KYAT1: variants seen among roughly 807,000 people sequenced by gnomAD.
KYAT1 encodes kynurenine aminotransferase 1, also known as kynurenine--oxoglutarate transaminase 1.
KYAT1 carries 47 observed loss-of-function variants against 52.4 expected under a neutral mutation model. The ratio of observed to expected loss-of-function variants is 0.90; its 90% CI spans 0.71 to 1.14. The LOEUF (loss-of-function observed/expected upper bound fraction) is 1.14. KYAT1 is among the 50% of genes most tolerant of loss of function. KYAT1 has a pLI of 0.00. For missense variants in KYAT1, 480 were observed against 557.9 expected, an observed-to-expected ratio of 0.86 and a Z score of 1.41; for synonymous variants, 212 against 209.6, an observed-to-expected ratio of 1.01 and a Z score of -0.10.
At chr9:128,840,103 A>G (rs1831872532) in intron 3 of KYAT1, among the ~76,000 whole-genome samples, 1 of 152,150 alleles carries the variant, frequency 6.6e-6, no homozygotes, top group Non-Finnish European at 1.5e-5. Flanking sequence ...CAAGGTCAAA[A>G]CAGGAAGAGA....
At chr9:128,833,944 C>G (rs544042975) in intron 11 of KYAT1, 118 bp from the exon 12 acceptor site, 21 of 717,592 alleles carry the variant, frequency 2.9e-5, no homozygotes, top group Admixed American at 2.8e-4. Flanking sequence ...TCCAATCCAG[C>G]ACCTAGAGCT....
chr9:128,878,140 C>CT lies in KYAT1; in HGVS notation c.-7+3756dup, dbSNP rs761966009. Among the ~76,000 whole-genome samples the CT allele has an allele frequency of 4.4e-3, 642 of 145,758 alleles. 4 individuals are homozygous for CT. Among genetic ancestry groups the CT allele is most frequent in the Admixed American group, 8.8e-3 (127 of 14,494 alleles). On this transcript the variant is annotated intron_variant, in intron 1 of 12. Transcript: ENST00000302586. ...CTTGTCAATGACAACAAGCTATTAA[C>CT]TTTTTTTTTTTTTTGAGACAGTCTT...
intron 3 of KYAT1, among the ~76,000 whole-genome samples, 159 bp from the exon 4 acceptor site, chr9:128,838,526 A>G (rs1222373257): frequency 6.6e-6 from 1 of 152,204 alleles, no homozygotes; most frequent in African/African-American, 2.4e-5. Context: ...ATCAGCTTTC[A>G]ACACTCTGGA....
At chr9:128,850,241 G>A (rs1588094383) in intron 1 of KYAT1, among the ~76,000 whole-genome samples, 1 of 151,914 alleles carries the variant, frequency 6.6e-6, no homozygotes, top group African/African-American at 2.4e-5. Context: ...TTCAGTGTAG[G>A]GAAAAGAAAG....
At chr9:128,838,445 G>T in intron 3 of KYAT1, 78 bp from the exon 4 acceptor site, 1 of 1,557,952 alleles carries the variant, frequency 6.4e-7, no homozygotes, top group African/African-American at 1.4e-5. Context: ...GGCAATTCTA[G>T]CACCTTCCAG....
intron 1 of KYAT1, 170 bp from the exon 2 acceptor site, chr9:128,845,581 C>T: frequency 4.7e-6 from 3 of 634,238 alleles, no homozygotes; most frequent in Non-Finnish European, 5.6e-6. Context: ...GCCTCCCAAG[C>T]CTGTTATGCT....
chr9:128,865,342 TATATATATATATA>T lies in KYAT1; in HGVS notation c.-7+16542_-7+16554del, dbSNP rs1836164737. 1.9e-3 allele frequency among the ~76,000 whole-genome samples: 12 copies of T among 6,378 alleles called. No individual in the cohort carries two copies. The South Asian group carries it at 0.028, about 15-fold the overall frequency. 4.2% of individuals were successfully genotyped at this position (6,378 alleles called of 152,430 possible). A position where few individuals can be genotyped will look rare whatever the true frequency, so the allele number is the denominator to read the frequency against. ...ATATATATATATATATATATATATA[TATATATATATATA>T]TATATTTTTTTTTTTTTTTTTTTTG... On this transcript the variant is annotated intron_variant, in intron 1 of 12. Transcript: ENST00000302586.
chr9:128,841,457 G>A (rs1443284851), intron 3 of KYAT1, among the ~76,000 whole-genome samples: 1 of 152,002 alleles, frequency 6.6e-6, no homozygotes, highest in Admixed American at 6.6e-5. Context: ...GGAGGCGGAG[G>A]TTGCAGTGAG....
rs1017553456 is a variant in KYAT1 at position 128,838,301 on chromosome 9, G to T, written c.268C>A (p.Pro90Thr). The T allele has an allele frequency of 3.7e-6, 6 of 1,614,018 alleles. No individual in the cohort carries two copies. The African/African-American group carries it at 6.7e-5, about 18-fold the overall frequency. Residue 90 changes from proline to threonine, a missense_variant, in exon 4 of 13, where the codon CCG (proline) becomes ACG (threonine). Pro to Thr is a conservative substitution (Grantham distance 38). Coordinates refer to ENST00000302586, the MANE Select transcript of KYAT1 (RefSeq NM_004059.5). ...ACAGTCACCAGCACATTCCTGAGCGGGTCTATCTCCTGACCCAGCAGCTCC... is the reference window on the plus strand; with the variant it reads ...ACAGTCACCAGCACATTCCTGAGCGTGTCTATCTCCTGACCCAGCAGCTCC... ...FGELLGQEID[P>T]LRNVLVTVGG...
At chr9:128,868,703 A>ATT (rs1202846765) in intron 1 of KYAT1, among the ~76,000 whole-genome samples, 72 of 131,972 alleles carry the variant, frequency 5.5e-4, no homozygotes, top group African/African-American at 1.1e-3. Flanking sequence ...TGCCTGGCTA[A>ATT]TTTTTTTTTT....
chr9:128,872,312 C>A (rs547159822), intron 1 of KYAT1, among the ~76,000 whole-genome samples: 1 of 150,866 alleles, frequency 6.6e-6, no homozygotes, highest in Non-Finnish European at 1.5e-5. Flanking sequence ...GGCGTGGTGG[C>A]GTGCACCTGT....
At chr9:128,847,232 G>A (rs897573074) in intron 1 of KYAT1, among the ~76,000 whole-genome samples, 3 of 152,160 alleles carry the variant, frequency 2.0e-5, no homozygotes, top group East Asian at 1.9e-4. Flanking sequence ...ACCCTACAGC[G>A]CCCAAGCTGA....
At position 128,851,968 on chromosome 9, in the gene KYAT1, C is replaced by T. The variant is rs146472235; in HGVS notation, c.-6-6557G>A. Among the ~76,000 whole-genome samples the T allele has an allele frequency of 4.0e-3, 606 of 152,260 alleles. 12 individuals carry two copies. The East Asian group carries it at 0.042, about 11-fold the overall frequency. The stretch of plus-strand genomic sequence containing the variant: ...AGGCAGCCTGAAACTAGGCACACTG[C>T]GACTTGGCTCGTGGCACTCATTATT... On this transcript the variant is annotated intron_variant, in intron 1 of 12. Coordinates refer to ENST00000302586, the MANE Select transcript of KYAT1 (RefSeq NM_004059.5).
chr9:128,841,506 C>T (rs980387808), intron 3 of KYAT1, among the ~76,000 whole-genome samples: 2 of 150,010 alleles, frequency 1.3e-5, no homozygotes, highest in Admixed American at 6.7e-5. Flanking sequence ...CCAGCCGGGG[C>T]GACAGTGCGA....
chr9:128,840,973 T>G (rs752819509), intron 3 of KYAT1, among the ~76,000 whole-genome samples: 8 of 152,240 alleles, frequency 5.3e-5, no homozygotes. Flanking sequence ...ATATTTGCTG[T>G]GGCATTGCTT....
chr9:128,845,267 A>T (rs1832881107), intron 2 of KYAT1, 86 bp downstream of exon 2: 14 of 1,011,834 alleles, frequency 1.4e-5, no homozygotes, highest in Non-Finnish European at 2.1e-5. Flanking sequence ...CACCATCTGG[A>T]GTACTACTGA....
intron 2 of KYAT1, 98 bp downstream of exon 2, chr9:128,845,255 G>T: frequency 2.2e-6 from 2 of 910,430 alleles, no homozygotes; most frequent in Non-Finnish European, 1.7e-6. Context: ...TCTGTGTACC[G>T]CCACCATCTG....
Position 128,842,788 on chromosome 9 carries a change from T to A in KYAT1, c.67A>T (p.Lys23Ter), listed in dbSNP as rs749553282. 19 of 1,613,772 alleles carry A rather than the reference T, an allele frequency of 1.2e-5. No individual in the cohort carries two copies. The highest frequency in any genetic ancestry group is 1.5e-5 in the Non-Finnish European group (18 of 1,179,812). Residue 23 changes from lysine to a stop codon, truncating the protein, a stop_gained, in exon 3 of 13, where the codon AAA becomes TAA. Transcript: ENST00000302586. LOFTEE classifies it high-confidence loss of function. ...IDYNPWVEFV[K>*]LASEHDVVNL... The stretch of plus-strand genomic sequence containing the variant: ...ACGACGTCATGCTCACTGGCCAGTT[T>A]CACAAACTCCACCCTGGGTAACAAA...
intron 11 of KYAT1, 57 bp downstream of exon 11, chr9:128,835,266 T>C (rs1020667126): frequency 5.5e-6 from 8 of 1,464,468 alleles, no homozygotes; most frequent in Admixed American, 5.0e-5. Flanking sequence ...TGGGCACCCT[T>C]GAGCAGCACA....
Sources: gnomAD v4.1 joint callset for allele counts (sites outside exome capture counted in the v4.1 genomes callset) on GRCh38, gnomAD v4.1.1 for gene constraint, MANE v1.5 for transcripts, NCBI Gene and HGNC (gene_info 2026-07-23, HGNC 2026-07-21) for gene names.